EEF2K: variants seen among roughly 807,000 people sequenced by gnomAD.
The protein encoded by EEF2K is alternative protein EEF2K.
EEF2K carries 70 observed loss-of-function variants against 93.8 expected under a neutral mutation model. The ratio of observed to expected loss-of-function variants is 0.75; its 90% CI spans 0.62 to 0.91. EEF2K has a LOEUF of 0.91. Among genes scored for constraint, EEF2K ranks in the 40% least tolerant of loss-of-function variants. EEF2K has a pLI of 0.00. For missense variants in EEF2K, 935 were observed against 972.9 expected (o/e 0.96, Z 0.52); for synonymous variants, 376 against 380.8 (o/e 0.99, Z 0.15).
At chr16:22,244,244 G>A (rs2047259324) in intron 2 of EEF2K, among the ~76,000 whole-genome samples, 1 of 146,930 alleles carries the variant, frequency 6.8e-6, no homozygotes, top group Admixed American at 6.8e-5. Context: ...ATATATATAC[G>A]TTATATTCTG....
At chr16:22,230,918 C>G (rs556477616) in intron 2 of EEF2K, among the ~76,000 whole-genome samples, 2 of 152,096 alleles carry the variant, frequency 1.3e-5, no homozygotes, top group African/African-American at 2.4e-5. Context: ...TGAGCCACCA[C>G]GCCTGGCCAT....
At chr16:22,283,343 TGC>T (rs1314316491) in intron 17 of EEF2K, among the ~76,000 whole-genome samples, 1 of 149,416 alleles carries the variant, frequency 6.7e-6, no homozygotes, top group African/African-American at 2.5e-5. Flanking sequence ...AGAAGAATGA[TGC>T]AAATCTATAA....
chr16:22,279,826 C>A (rs1269409379), intron 16 of EEF2K, among the ~76,000 whole-genome samples: 1 of 152,024 alleles, frequency 6.6e-6, no homozygotes, highest in South Asian at 2.1e-4. Context: ...GAAATGCCGT[C>A]TTTACTAAAA....
rs140938002 is a variant in EEF2K, at chr16:22,257,357, G to T, written c.873G>T (p.Thr291=). The T allele has an allele frequency of 2.5e-6, 4 of 1,613,702 alleles. No individual in the cohort carries two copies. The African/African-American group carries it at 5.3e-5, about 22-fold the overall frequency. ...CTGACCCACAGATCCACACGGAGAC[G>T]GGCACTGACTTTGGAGACGGCAACC... is the stretch of plus-strand genomic sequence containing the variant. ...LYTDPQIHTE[T]GTDFGDGNLG... Residue 291 remains threonine (T), a synonymous_variant, in exon 8 of 18, where the codon ACG becomes ACT. Coordinates refer to ENST00000263026, the MANE Select transcript of EEF2K (RefSeq NM_013302.5).
chr16:22,243,124 T>G (rs1274737351), intron 2 of EEF2K, among the ~76,000 whole-genome samples: 4 of 152,062 alleles, frequency 2.6e-5, no homozygotes, highest in Non-Finnish European at 4.4e-5. Context: ...GCTCTGAGCT[T>G]AGAAATTTAT....
intron 2 of EEF2K, among the ~76,000 whole-genome samples, chr16:22,239,054 A>G (rs1272813646): frequency 1.3e-5 from 2 of 151,818 alleles, no homozygotes; most frequent in East Asian, 3.9e-4. Context: ...AGTCAGGGAC[A>G]TGAATGTTAG....
At chr16:22,225,403 C>T (rs2047052909) in intron 1 of EEF2K, among the ~76,000 whole-genome samples, 1 of 152,210 alleles carries the variant, frequency 6.6e-6, no homozygotes, top group Admixed American at 6.5e-5. Flanking sequence ...GCTTAAGAAG[C>T]CATTCCTTTC....
At chr16:22,221,146 A>G (rs2047007747) in intron 1 of EEF2K, among the ~76,000 whole-genome samples, 1 of 152,206 alleles carries the variant, frequency 6.6e-6, no homozygotes, top group African/African-American at 2.4e-5. Flanking sequence ...TGTTAAGGAA[A>G]AAGATTAAAC....
At chr16:22,239,625 A>G (rs544035400) in intron 2 of EEF2K, among the ~76,000 whole-genome samples, 1 of 152,204 alleles carries the variant, frequency 6.6e-6, no homozygotes, top group Non-Finnish European at 1.5e-5. Flanking sequence ...AGCCTGGGCA[A>G]CATACCGAGA....
At chr16:22,227,666 G>A (rs1030416795) in intron 2 of EEF2K, among the ~76,000 whole-genome samples, 2 of 152,144 alleles carry the variant, frequency 1.3e-5, no homozygotes, top group Non-Finnish European at 2.9e-5. Flanking sequence ...CAGGCAAACA[G>A]CAATTGTTTA....
Position 22,266,611 on chromosome 16 carries a change from C to T in EEF2K, c.1576-77C>T, listed in dbSNP as rs891142801. ...CTCTCCTCCGCTAATCACTTCCTCC[C>T]GCAGGCTGGCTGGGCGGTCTTGGGT... On this transcript the variant is annotated intron_variant, in intron 14 of 17. Coordinates refer to ENST00000263026, the MANE Select transcript of EEF2K (RefSeq NM_013302.5). 61 of 1,589,650 alleles carry T rather than the reference C, an allele frequency of 3.8e-5. No individual in the cohort carries two copies. The East Asian group carries it at 4.3e-4, about 11-fold the overall frequency.
intron 2 of EEF2K, among the ~76,000 whole-genome samples, chr16:22,239,117 A>G (rs889835552): frequency 6.6e-6 from 1 of 151,086 alleles, no homozygotes; most frequent in East Asian, 1.9e-4. Flanking sequence ...AGTTGCATTA[A>G]TCCCACCTGT....
At chr16:22,266,570 G>A (rs1567285617) in intron 14 of EEF2K, 46 bp downstream of exon 14, 2 of 1,609,194 alleles carry the variant, frequency 1.2e-6, no homozygotes, top group South Asian at 1.1e-5. Context: ...CTAACCTGGA[G>A]CCCCCCAGCT....
intron 15 of EEF2K, among the ~76,000 whole-genome samples, chr16:22,272,450 A>G (rs2047591721): frequency 6.6e-6 from 1 of 152,232 alleles, no homozygotes; most frequent in Non-Finnish European, 1.5e-5. Flanking sequence ...TTGTATGACT[A>G]TATTATTATG....
At chr16:22,282,667 T>C (rs2047706377) in intron 17 of EEF2K, among the ~76,000 whole-genome samples, 1 of 152,266 alleles carries the variant, frequency 6.6e-6, no homozygotes, top group African/African-American at 2.4e-5. Context: ...TGGCATGGGA[T>C]GATACAGCAC....
In EEF2K at chr16:22,283,971, A is replaced by C. The variant is rs1231741720; in HGVS notation, c.2153A>C (p.Glu718Ala). ...AACCAGTACTACCAAAAGGCTGAAGAGGCCTGGGCCCAGATGGAGGAGTAA... is the reference window on the plus strand; with the variant it reads ...AACCAGTACTACCAAAAGGCTGAAGCGGCCTGGGCCCAGATGGAGGAGTAA... ...LANQYYQKAE[E>A]AWAQMEE Residue 718 changes from glutamate (E) to alanine (A), a missense_variant, in exon 18 of 18, where the codon GAG becomes GCG. Coordinates refer to ENST00000263026, the MANE Select transcript of EEF2K (RefSeq NM_013302.5). 1 of 1,587,608 alleles carries C rather than the reference A, an allele frequency of 6.3e-7. No homozygotes were observed. The highest frequency in any genetic ancestry group is 1.8e-5 in the Admixed American group (1 of 55,802).
chr16:22,224,919 C>T (rs1004409494), intron 1 of EEF2K, among the ~76,000 whole-genome samples: 1 of 151,528 alleles, frequency 6.6e-6, no homozygotes, highest in African/African-American at 2.4e-5. Flanking sequence ...CACCATTGCA[C>T]TCCAGCCTGG....
chr16:22,231,994 C>G (rs377332229), intron 2 of EEF2K, among the ~76,000 whole-genome samples: 1 of 28,092 alleles, frequency 3.6e-5, no homozygotes, highest in Non-Finnish European at 6.8e-5. Context: ...CTGTCTTAAA[C>G]AAACAAAAAA....
intron 16 of EEF2K, among the ~76,000 whole-genome samples, chr16:22,274,041 C>CA (rs2047611109): frequency 6.6e-6 from 1 of 152,202 alleles, no homozygotes; most frequent in African/African-American, 2.4e-5. Flanking sequence ...CGCGGTGGCT[C>CA]ATGCCTGTAA....
Sources: allele counts gnomAD v4.1 joint callset (sites outside exome capture counted in the v4.1 genomes callset), GRCh38; gene constraint gnomAD v4.1.1; transcripts MANE v1.5; gene names NCBI Gene and HGNC (gene_info 2026-07-23, HGNC 2026-07-21).